Variants in KIF18A observed in about 807,000 individuals in gnomAD.
The protein encoded by KIF18A is kinesin family member 18A, also known as kinesin-like protein KIF18A.
In KIF18A, 67 loss-of-function variants were observed where a neutral mutation model predicts 103.3. The observed-to-expected ratio is 0.65, with a 90% CI of 0.53 to 0.79. The LOEUF is 0.79. KIF18A is among the 30% of genes least tolerant of loss of function. KIF18A has a pLI of 0.00. For synonymous variants in KIF18A, 367 were observed against 355.5 expected, an observed-to-expected ratio of 1.03 and a Z score of -0.36; for missense variants, 1,032 against 1,062.5, an observed-to-expected ratio of 0.97 and a Z score of 0.40.
intron 13 of KIF18A, chr11:28,056,703 G>A (rs182218893): frequency 3.0e-5 from 5 of 164,298 alleles, no homozygotes; most frequent in Admixed American, 2.6e-4. Context: ...CAATAAGCCA[G>A]AAGACAGATT....
chr11:28,055,710 A>G (rs1850771810), intron 13 of KIF18A, among the ~76,000 whole-genome samples: 1 of 152,128 alleles, frequency 6.6e-6, no homozygotes, highest in Non-Finnish European at 1.5e-5. Context: ...GAAAGAAGGA[A>G]CTGTAAATAT....
intron 6 of KIF18A, among the ~76,000 whole-genome samples, chr11:28,087,912 T>G (rs1221767697): frequency 6.6e-6 from 1 of 152,210 alleles, no homozygotes; most frequent in Non-Finnish European, 1.5e-5. Context: ...ATATTATAAT[T>G]TTTTTGAAAG....
chr11:28,042,165 G>A lies in KIF18A; in HGVS notation c.1949-5501C>T, dbSNP rs1734992221. On this transcript the variant is annotated intron_variant, in intron 13 of 16. Coordinates refer to ENST00000263181, the MANE Select transcript of KIF18A (RefSeq NM_031217.4). ...GTGTTATTATTATGCTGAGGTAGGG[G>A]AAAGGAAAGAAAAGGAGTAAGGATA... 2.0e-5 allele frequency among the ~76,000 whole-genome samples: 3 copies of A among 151,834 alleles called. No individual in the cohort carries two copies. In the Admixed American group the frequency reaches 2.0e-4, roughly 10 times the overall value.
At chr11:28,025,551 TA>T (rs1290098849) in intron 15 of KIF18A, among the ~76,000 whole-genome samples, 1 of 151,978 alleles carries the variant, frequency 6.6e-6, no homozygotes, top group African/African-American at 2.4e-5. Context: ...GGCTTTTGAA[TA>T]AAGCCATTTG....
chr11:28,091,405 A>G lies in KIF18A; in HGVS notation c.588+4T>C, dbSNP rs759409369. 8.1e-5 allele frequency: 122 copies of G among 1,497,940 alleles called. No individual in the cohort carries two copies. Among genetic ancestry groups the G allele is most frequent in the Non-Finnish European group, 1.1e-4 (117 of 1,077,066 alleles). 92.8% of individuals were successfully genotyped at this position (1,497,940 alleles called of 1,614,324 possible). A position where few individuals can be genotyped will look rare whatever the true frequency, so the allele number is the denominator to read the frequency against. ...AACAGGGAAAAAGATGTTTATATAC[A>G]TACCTGGTGTAAAGTAAGTCCATGA... On this transcript the variant is annotated splice_donor_region_variant and intron_variant, in intron 4 of 16. Coordinates refer to ENST00000263181, the MANE Select transcript of KIF18A (RefSeq NM_031217.4).
At chr11:28,040,213 T>C (rs1448023692) in intron 13 of KIF18A, among the ~76,000 whole-genome samples, 1 of 151,762 alleles carries the variant, frequency 6.6e-6, no homozygotes, top group Non-Finnish European at 1.5e-5. Flanking sequence ...AAGAACTTTA[T>C]GTGGGTATGG....
rs1417301921 is a variant in KIF18A, at chr11:28,020,757, C to T, written c.*443G>A. On this transcript the variant is annotated 3_prime_UTR_variant, in exon 17 of 17. Coordinates refer to ENST00000263181, the MANE Select transcript of KIF18A (RefSeq NM_031217.4). ...TTAAAGTATTTTTGAAAAGGAAAGT[C>T]ATATATATGATTAAAATAATGTATC... 1 of 152,004 alleles carries T rather than the reference C, an allele frequency of 6.6e-6. No homozygotes were observed. The highest frequency in any genetic ancestry group is 1.5e-5 in the Non-Finnish European group (1 of 68,026). The allele number at this position is 152,004 out of a possible 1,614,324, so 9.4% of individuals were successfully genotyped here.
At chr11:28,091,541 TTGATGTAAAAAAAAAAAATGG>T (rs764282058) in intron 3 of KIF18A, 28 bp from the exon 4 acceptor site, 1 of 1,277,072 alleles carries the variant, frequency 7.8e-7, no homozygotes, top group African/African-American at 1.5e-5. Context: ...TGCTTTAGCA[TTGATGTAAAAAAAAAAAATGG>T]TGATTACATC....
intron 13 of KIF18A, among the ~76,000 whole-genome samples, chr11:28,038,678 G>A (rs995404401): frequency 2.0e-5 from 3 of 151,618 alleles, no homozygotes; most frequent in African/African-American, 4.8e-5. Context: ...TTGACAATAT[G>A]CTCTGCTTTG....
At chr11:28,062,580 A>C in intron 11 of KIF18A, 64 bp from the exon 12 acceptor site, 1 of 1,276,786 alleles carries the variant, frequency 7.8e-7, no homozygotes, top group Non-Finnish European at 1.1e-6. Context: ...AAATCAGTTT[A>C]ATAATTTTAT....
At chr11:28,031,049 T>C (rs1850395403) in intron 15 of KIF18A, among the ~76,000 whole-genome samples, 1 of 151,632 alleles carries the variant, frequency 6.6e-6, no homozygotes, top group Non-Finnish European at 1.5e-5. Context: ...CTGGAGAGGA[T>C]GTGGAGAAAT....
At chr11:28,029,930 A>G (rs1451229256) in intron 15 of KIF18A, among the ~76,000 whole-genome samples, 1 of 86,386 alleles carries the variant, frequency 1.2e-5, no homozygotes, top group Non-Finnish European at 2.3e-5. Flanking sequence ...CCCATTCACA[A>G]CTGCTTCAAA....
chr11:28,021,192 G>C lies in KIF18A; in HGVS notation c.*8C>G. On this transcript the variant is annotated 3_prime_UTR_variant, in exon 17 of 17. Coordinates refer to ENST00000263181, the MANE Select transcript of KIF18A (RefSeq NM_031217.4). Reference sequence around the variant, plus strand: ...GATCAACTTCATTTTGCTTGGTTTTGAAGTGATTTATCTTAGATTTCCTTT... The same window carrying C: ...GATCAACTTCATTTTGCTTGGTTTTCAAGTGATTTATCTTAGATTTCCTTT... 6.7e-7 allele frequency: 1 copy of C among 1,495,652 alleles called. No homozygotes were observed. Among genetic ancestry groups the C allele is most frequent in the Non-Finnish European group, 8.9e-7 (1 of 1,119,630 alleles). 92.6% of individuals were successfully genotyped at this position (1,495,652 alleles called of 1,614,324 possible). A position where few individuals can be genotyped will look rare whatever the true frequency, so the allele number is the denominator to read the frequency against.
chr11:28,071,566 C>A lies in KIF18A; in HGVS notation c.1426-2143G>T, dbSNP rs770279729. ...TTATTTATTTTAAAATGAATCAATG[C>A]ATAAATATATTTTTATAAATCTGTT... On this transcript the variant is annotated intron_variant, in intron 10 of 16. Transcript: ENST00000263181. 2.7e-5 allele frequency among the ~76,000 whole-genome samples: 4 copies of A among 150,330 alleles called. No homozygotes were observed. The South Asian group carries it at 6.3e-4, about 24-fold the overall frequency.
chr11:28,091,855 T>G (rs940110366), intron 3 of KIF18A, among the ~76,000 whole-genome samples: 1 of 152,140 alleles, frequency 6.6e-6, no homozygotes. Context: ...TCTCGCTGTC[T>G]CCCAGGCTGG....
chr11:28,025,120 G>A (rs189269061), intron 15 of KIF18A, among the ~76,000 whole-genome samples: 326 of 152,012 alleles, frequency 2.1e-3, no homozygotes, highest in African/African-American at 7.3e-3. Flanking sequence ...TTTGAACTGC[G>A]GTTGACCATG....
intron 16 of KIF18A, 65 bp downstream of exon 16, chr11:28,023,676 G>A (rs748835733): frequency 1.6e-5 from 12 of 772,044 alleles, no homozygotes; most frequent in Admixed American, 7.5e-5. Context: ...AATAAAAAAC[G>A]TAAAGTACTA....
intron 15 of KIF18A, among the ~76,000 whole-genome samples, chr11:28,025,897 T>C (rs983367808): frequency 6.6e-6 from 1 of 151,968 alleles, no homozygotes; most frequent in Non-Finnish European, 1.5e-5. Context: ...CTATTTTATC[T>C]GAAATAATTT....
intron 5 of KIF18A, among the ~76,000 whole-genome samples, chr11:28,090,231 G>A (rs1286673348): frequency 6.6e-6 from 1 of 152,064 alleles, no homozygotes; most frequent in Non-Finnish European, 1.5e-5. Flanking sequence ...CTATTTACAT[G>A]GTCCTTATGG....
Sources: allele counts gnomAD v4.1 joint callset (sites outside exome capture counted in the v4.1 genomes callset), GRCh38; gene constraint gnomAD v4.1.1; transcripts MANE v1.5; gene names NCBI Gene and HGNC (gene_info 2026-07-23, HGNC 2026-07-21).